SBF2: variants seen among roughly 807,000 people sequenced by gnomAD.
SBF2 encodes myotubularin-related protein 13.
A neutral mutation model predicts 225.2 loss-of-function variants in SBF2; 112 were observed. The ratio of observed to expected loss-of-function variants is 0.50; its 90% CI spans 0.43 to 0.58. SBF2 has a LOEUF of 0.58. Ranked by LOEUF, SBF2 falls within the 20% of genes least tolerant of loss-of-function variation. The pLI is 0.00. For missense variants in SBF2, 1,996 were observed against 2,206.2 expected, an observed-to-expected ratio of 0.90 and a Z score of 1.91; for synonymous variants, 763 against 773.3, an observed-to-expected ratio of 0.99 and a Z score of 0.22.
Position 9,829,513 on chromosome 11 carries a change from T to C in SBF2, c.3653-17A>G, listed in dbSNP as rs750669799. ...AGGTAGGAGCTATAAAAGGAAAATA[T>C]ATTGAATAAAATAAACTGTCTCTGT... On this transcript the variant is annotated splice_polypyrimidine_tract_variant and intron_variant, in intron 27 of 39. Coordinates refer to ENST00000256190, the MANE Select transcript of SBF2 (RefSeq NM_030962.4). 2.6e-5 allele frequency: 41 copies of C among 1,579,842 alleles called. No homozygotes were observed. The highest frequency in any genetic ancestry group is 3.3e-5 in the Non-Finnish European group (38 of 1,149,088).
At chr11:9,914,608 T>TA (rs1862917343) in intron 16 of SBF2, among the ~76,000 whole-genome samples, 1 of 151,978 alleles carries the variant, frequency 6.6e-6, no homozygotes, top group Non-Finnish European at 1.5e-5. Flanking sequence ...CAGGGGAAAA[T>TA]ACAGACAACC....
chr11:10,121,899 G>A (rs1269706738), intron 2 of SBF2, among the ~76,000 whole-genome samples: 1 of 152,198 alleles, frequency 6.6e-6, no homozygotes, highest in African/African-American at 2.4e-5. Context: ...TCCACAATGT[G>A]TATGCTATCT....
intron 28 of SBF2, among the ~76,000 whole-genome samples, chr11:9,826,843 C>A (rs1006993492): frequency 6.6e-6 from 1 of 151,416 alleles, no homozygotes; most frequent in Non-Finnish European, 1.5e-5. Context: ...GGAGTGATCT[C>A]GGCTCATTTT....
intron 1 of SBF2, among the ~76,000 whole-genome samples, chr11:10,279,838 C>T (rs1227826124): frequency 1.3e-5 from 2 of 151,864 alleles, no homozygotes; most frequent in Non-Finnish European, 2.9e-5. Flanking sequence ...TTAGTAGAGA[C>T]AGGGGTTTCA....
In SBF2 at chr11:10,193,905, C is replaced by T; in HGVS notation, c.138G>A (p.Glu46=). ...WDDTPFPQGI[E]LFCQPGGWQL... ...CAATAATACAACAACCACTTACCAA[C>T]TCAATTCCCTGTGGAAAAGGTGTAT... Residue 46 remains glutamate, a synonymous_variant, in exon 2 of 40, where the codon GAG becomes GAA. Transcript: ENST00000256190. 6.2e-7 allele frequency: 1 copy of T among 1,606,800 alleles called. No homozygotes were observed. The highest frequency in any genetic ancestry group is 1.1e-5 in the South Asian group (1 of 90,950).
At chr11:10,001,434 T>C (rs1947951140) in intron 7 of SBF2, among the ~76,000 whole-genome samples, 1 of 151,338 alleles carries the variant, frequency 6.6e-6, no homozygotes, top group Non-Finnish European at 1.5e-5. Context: ...TTTCTATACT[T>C]GATTTTTGCA....
At chr11:9,963,329 G>A (rs1018927800) in intron 15 of SBF2, among the ~76,000 whole-genome samples, 2 of 152,060 alleles carry the variant, frequency 1.3e-5, no homozygotes, top group Non-Finnish European at 2.9e-5. Context: ...GGCGGGCGCA[G>A]TGGTGCGTGC....
chr11:9,957,702 A>C (rs564021280), intron 16 of SBF2: 2 of 152,048 alleles, frequency 1.3e-5, no homozygotes, highest in African/African-American at 4.8e-5. Flanking sequence ...CTCGTGATCC[A>C]CCTGCCTTGG....
Position 9,958,549 on chromosome 11 carries a change from G to A in SBF2, c.1860+3408C>T, listed in dbSNP as rs182439278. 1.7e-4 allele frequency: 28 copies of A among 167,304 alleles called. 1 individual carries two copies. The highest frequency in any genetic ancestry group is 1.1e-3 in the South Asian group (7 of 6,284). The allele number at this position is 167,304 out of a possible 1,614,324, so 10.4% of individuals were successfully genotyped here. On this transcript the variant is annotated intron_variant, in intron 16 of 39. Transcript: ENST00000256190. ...AATTTTTTGTATTTTTAGTAGAGAC[G>A]GGGTTTCACCGTGTTAGCCAGGATG...
At chr11:10,150,502 A>G (rs1252516746) in intron 2 of SBF2, among the ~76,000 whole-genome samples, 1 of 152,152 alleles carries the variant, frequency 6.6e-6, no homozygotes, top group African/African-American at 2.4e-5. Flanking sequence ...AAATGGAAAT[A>G]TAATAATTTA....
At chr11:9,932,956 G>GAAAAAAAAA (rs1590510467) in intron 16 of SBF2, among the ~76,000 whole-genome samples, 1 of 5,376 alleles carries the variant, frequency 1.9e-4, no homozygotes, top group Non-Finnish European at 2.8e-4. Flanking sequence ...CAAACGAAAA[G>GAAAAAAAAA]CAAAAAAAAA....
intron 2 of SBF2, among the ~76,000 whole-genome samples, chr11:10,069,683 G>T (rs1442819338): frequency 2.0e-5 from 3 of 152,162 alleles, no homozygotes; most frequent in African/African-American, 7.2e-5. Context: ...CCAGTAATGG[G>T]ATTGCTGGGT....
chr11:9,871,665 G>A (rs1858761894), intron 17 of SBF2, among the ~76,000 whole-genome samples: 1 of 151,890 alleles, frequency 6.6e-6, no homozygotes, highest in African/African-American at 2.4e-5. Flanking sequence ...CTAATTTATT[G>A]TATTTTTAGT....
intron 1 of SBF2, among the ~76,000 whole-genome samples, chr11:10,258,071 T>TAC (rs1405915031): frequency 1.4e-4 from 13 of 96,270 alleles, no homozygotes; most frequent in South Asian, 8.1e-4. Context: ...GAGGTATAAA[T>TAC]ACACACACAT....
rs201258919 is a variant in SBF2 at position 10,029,072 on chromosome 11, TTGTC to T, written c.514-519_514-516del. ...GCCAATCCCACTATAAGCAGGATCT[TTGTC>T]AGACTGAAGACAATGTGATTTTTAG... On this transcript the variant is annotated intron_variant, in intron 5 of 39. Transcript: ENST00000256190. Among the ~76,000 whole-genome samples the T allele has an allele frequency of 5.8e-3, 879 of 152,276 alleles. 14 individuals carry two copies. Among genetic ancestry groups the T allele is most frequent in the African/African-American group, 0.019 (799 of 41,544 alleles).
intron 6 of SBF2, among the ~76,000 whole-genome samples, chr11:10,012,405 G>A (rs1456198641): frequency 6.6e-6 from 1 of 152,154 alleles, no homozygotes; most frequent in African/African-American, 2.4e-5. Context: ...GCCTCCCAAA[G>A]TACTGGGATT....
intron 1 of SBF2, among the ~76,000 whole-genome samples, chr11:10,221,667 G>A (rs1185235913): frequency 6.6e-6 from 1 of 151,994 alleles, no homozygotes; most frequent in African/African-American, 2.4e-5. Flanking sequence ...TATAAATTCT[G>A]AACAAAATAT....
chr11:10,094,972 G>GA (rs1192971549), intron 2 of SBF2, among the ~76,000 whole-genome samples: 6 of 149,824 alleles, frequency 4.0e-5, no homozygotes, highest in African/African-American at 1.2e-4. Flanking sequence ...GGCCAGCTGA[G>GA]AAAAAAAAGA....
Position 9,785,259 on chromosome 11 carries a change from C to G in SBF2, c.5097G>C (p.Gln1699His), listed in dbSNP as rs1852293872. Residue 1699 changes from glutamine to histidine, a missense_variant, in exon 37 of 40, where the codon CAG becomes CAC. Transcript: ENST00000256190. Reference protein sequence around the residue: ...GIVSTNLPSYQKRSLLHLPDS... With the variant: ...GIVSTNLPSYHKRSLLHLPDS... Reference sequence around the variant, plus strand: ...CTGGGAGATGTAGCAGAGACCTCTTCTGATAGGAAGGTAGGTTGGTAGACA... The same window carrying G: ...CTGGGAGATGTAGCAGAGACCTCTTGTGATAGGAAGGTAGGTTGGTAGACA... 1 of 1,614,066 alleles carries G rather than the reference C, an allele frequency of 6.2e-7. No homozygotes were observed. The highest frequency in any genetic ancestry group is 1.3e-5 in the African/African-American group (1 of 74,920).
Sources: allele counts gnomAD v4.1 joint callset (sites outside exome capture counted in the v4.1 genomes callset), GRCh38; gene constraint gnomAD v4.1.1; transcripts MANE v1.5; gene names NCBI Gene and HGNC (gene_info 2026-07-23, HGNC 2026-07-21).